The following IRAG1 variants were observed in gnomAD, a reference collection of about 807,000 sequenced individuals.
The protein encoded by IRAG1 is IP3R-associated cGMP kinase substrate.
A neutral mutation model predicts 106.2 loss-of-function variants in IRAG1; 62 were observed. The observed-to-expected ratio is 0.58, with a 90% confidence interval of 0.48 to 0.72. The LOEUF is 0.72. Ranked by LOEUF, IRAG1 falls within the 30% of genes least tolerant of loss-of-function variation. IRAG1 has a pLI of 0.00. For synonymous variants in IRAG1, 462 were observed against 443.9 expected, an observed-to-expected ratio of 1.04 and a Z score of -0.51; for missense variants, 1,064 against 1,140.7, an observed-to-expected ratio of 0.93 and a Z score of 0.97.
intron 10 of IRAG1, among the ~76,000 whole-genome samples, chr11:10,618,762 G>T (rs947775497): frequency 1.3e-5 from 2 of 152,218 alleles, no homozygotes; most frequent in African/African-American, 4.8e-5. Flanking sequence ...CCAAAATATT[G>T]TGAGTGAGAG....
rs373220894 is a variant in IRAG1, at chr11:10,644,175, T to C, written c.225+7850A>G. Among the ~76,000 whole-genome samples the C allele has an allele frequency of 1.4e-3, 216 of 152,290 alleles. 1 individual carries two copies. Among genetic ancestry groups the C allele is most frequent in the East Asian group, 2.1e-3 (11 of 5,180 alleles). Reference sequence around the variant, plus strand: ...GGAAGGAAAACCTGGCAGGATGACATCAGTGGGAAACTTGAGTTTGAATCT... The same window carrying C: ...GGAAGGAAAACCTGGCAGGATGACACCAGTGGGAAACTTGAGTTTGAATCT... On this transcript the variant is annotated intron_variant, in intron 2 of 20. Coordinates refer to ENST00000423302, the MANE Select transcript of IRAG1 (RefSeq NM_130385.4).
chr11:10,661,054 T>C (rs1859355919), intron 1 of IRAG1, among the ~76,000 whole-genome samples: 1 of 151,688 alleles, frequency 6.6e-6, no homozygotes, highest in Admixed American at 6.6e-5. Context: ...ATCCTTCCCC[T>C]TCATAAACTC....
chr11:10,579,704 C>T (rs1284151406), intron 20 of IRAG1, among the ~76,000 whole-genome samples: 1 of 152,080 alleles, frequency 6.6e-6, no homozygotes, highest in African/African-American at 2.4e-5. Context: ...GCTGAGACCT[C>T]ATTCCTATAA....
intron 1 of IRAG1, among the ~76,000 whole-genome samples, chr11:10,680,369 G>GA (rs1165670087): frequency 0.022 from 1,246 of 57,910 alleles, 9 homozygotes; most frequent in Non-Finnish European, 0.026. Flanking sequence ...AAGAAAGAAA[G>GA]AAGGAAGGAA....
intron 1 of IRAG1, among the ~76,000 whole-genome samples, chr11:10,671,321 A>G (rs931255935): frequency 3.9e-5 from 6 of 152,262 alleles, no homozygotes; most frequent in Admixed American, 6.5e-5. Flanking sequence ...AGTACAATCA[A>G]TTATATTTCT....
chr11:10,576,783 T>C (rs1482752381), intron 20 of IRAG1, among the ~76,000 whole-genome samples: 2 of 152,218 alleles, frequency 1.3e-5, no homozygotes, highest in East Asian at 3.9e-4. Flanking sequence ...CCAGGAATCA[T>C]TGGCTAAATT....
chr11:10,591,874 A>C (rs1370666588), intron 17 of IRAG1, among the ~76,000 whole-genome samples: 2 of 152,140 alleles, frequency 1.3e-5, no homozygotes, highest in East Asian at 3.9e-4. Context: ...GAAAGTTTAC[A>C]TCTTGAGGCT....
At chr11:10,677,152 A>C (rs996822879) in intron 1 of IRAG1, among the ~76,000 whole-genome samples, 1 of 151,944 alleles carries the variant, frequency 6.6e-6, no homozygotes, top group Non-Finnish European at 1.5e-5. Flanking sequence ...CACCCATATT[A>C]ACCTCTTCCC....
intron 10 of IRAG1, among the ~76,000 whole-genome samples, chr11:10,616,817 C>T (rs1855470905): frequency 6.6e-6 from 1 of 152,022 alleles, no homozygotes; most frequent in South Asian, 2.1e-4. Flanking sequence ...GTATTTTTCA[C>T]TATTGGTTGA....
chr11:10,641,994 C>G (rs1319489489), intron 2 of IRAG1, among the ~76,000 whole-genome samples: 1 of 152,182 alleles, frequency 6.6e-6, no homozygotes, highest in Non-Finnish European at 1.5e-5. Context: ...CTCTGACACT[C>G]TTATTCTTCC....
intron 11 of IRAG1, 92 bp downstream of exon 11, chr11:10,609,636 A>T (rs1854773936): frequency 6.9e-7 from 1 of 1,447,906 alleles, no homozygotes; most frequent in African/African-American, 1.4e-5. Context: ...TGGGTTCAAG[A>T]ATTAAGACTG....
Position 10,628,031 on chromosome 11 carries a change from A to G in IRAG1, c.653-6T>C. ...GCCACTGCACACATCCAAACCTGGA[A>G]GGGTCCAGACACTAGTGAGTGAGGC... On this transcript the variant is annotated splice_polypyrimidine_tract_variant and splice_region_variant and intron_variant, in intron 6 of 20. Transcript: ENST00000423302. This position sits in a 1 kb window ranked among gnomAD's most constrained non-coding sequence, Gnocchi z 4.1. 6.2e-7 allele frequency: 1 copy of G among 1,613,796 alleles called. No individual in the cohort carries two copies. The highest frequency in any genetic ancestry group is 8.5e-7 in the Non-Finnish European group (1 of 1,179,786).
chr11:10,620,176 A>G (rs551452251), intron 10 of IRAG1, among the ~76,000 whole-genome samples: 21 of 152,346 alleles, frequency 1.4e-4, no homozygotes, highest in Non-Finnish European at 2.1e-4. Flanking sequence ...AGTGTTTTTA[A>G]TAGAGAAAAA....
chr11:10,662,944 T>TG (rs1859510523), intron 1 of IRAG1, among the ~76,000 whole-genome samples: 1 of 152,364 alleles, frequency 6.6e-6, no homozygotes, highest in East Asian at 1.9e-4. Flanking sequence ...TAGGCCTTGA[T>TG]GGCCTTGGTT....
rs545987487 is a variant in IRAG1 at position 10,680,286 on chromosome 11, A to AAG, written c.67+13248_67+13249dup. On this transcript the variant is annotated intron_variant, in intron 1 of 20. Transcript: ENST00000423302. ...GAAACTGAGGAAAGAAAGAAAGAAAAAGAGAGAGAGAGAGAGAGGGAGGGA... is the reference window on the plus strand; with the variant it reads ...GAAACTGAGGAAAGAAAGAAAGAAAAAGAGAGAGAGAGAGAGAGAGGGAGGGA... 6.3e-3 allele frequency among the ~76,000 whole-genome samples: 792 copies of AAG among 125,580 alleles called. 7 individuals are homozygous for AAG. Among genetic ancestry groups the AAG allele is most frequent in the Middle Eastern group, 0.018 (5 of 272 alleles). The allele number at this position is 125,580 out of a possible 152,430, so 82.4% of individuals were successfully genotyped here.
At position 10,664,347 on chromosome 11, in the gene IRAG1, G is replaced by T. The variant is rs148582682; in HGVS notation, c.68-12165C>A. 2.2e-3 allele frequency among the ~76,000 whole-genome samples: 331 copies of T among 152,314 alleles called. 1 individual carries two copies. The highest frequency in any genetic ancestry group is 7.7e-3 in the African/African-American group (322 of 41,560). ...CAGTTCTCCAAAGCCATGGAAATAG[G>T]CCCAATAACCTTGGGCTGGGCTGCT... On this transcript the variant is annotated intron_variant, in intron 1 of 20. Coordinates refer to ENST00000423302, the MANE Select transcript of IRAG1 (RefSeq NM_130385.4).
chr11:10,585,272 C>T (rs1326405757), intron 18 of IRAG1, among the ~76,000 whole-genome samples: 1 of 152,138 alleles, frequency 6.6e-6, no homozygotes. Flanking sequence ...CTTTTACATG[C>T]AGATCTTCTG....
chr11:10,574,182 T>G lies in IRAG1; in HGVS notation c.*2150A>C, dbSNP rs1265778761. The G allele has an allele frequency of 6.6e-6, 1 of 152,250 alleles. No individual in the cohort carries two copies. The highest frequency in any genetic ancestry group is 1.5e-5 in the Non-Finnish European group (1 of 68,070). 9.4% of individuals were successfully genotyped at this position (152,250 alleles called of 1,614,324 possible). On this transcript the variant is annotated 3_prime_UTR_variant, in exon 21 of 21. Coordinates refer to ENST00000423302, the MANE Select transcript of IRAG1 (RefSeq NM_130385.4). ...TGGCAATGGTGTTGCTAGTCTGGTC[T>G]CATTCCTGCTCTCTCACAGAGTAGA...
chr11:10,639,586 C>A (rs1192893686), intron 2 of IRAG1, among the ~76,000 whole-genome samples: 1 of 152,162 alleles, frequency 6.6e-6, no homozygotes, highest in Non-Finnish European at 1.5e-5. Flanking sequence ...CCCATCCTGA[C>A]CTCTCCTCTG....
Sources: allele counts gnomAD v4.1 joint callset (sites outside exome capture counted in the v4.1 genomes callset), GRCh38; gene constraint gnomAD v4.1.1; non-coding constraint Gnocchi (gnomAD v3.1); transcripts MANE v1.5; gene names NCBI Gene and HGNC (gene_info 2026-07-23, HGNC 2026-07-21).